The following CASZ1 variants were observed in gnomAD, a reference collection of about 807,000 sequenced individuals.
CASZ1 encodes the protein castor zinc finger 1.
Under a neutral mutation model 135.2 loss-of-function variants are expected in CASZ1, and 28 were observed. The observed-to-expected ratio is 0.21, with a 90% CI of 0.15 to 0.28. The LOEUF (loss-of-function observed/expected upper bound fraction) is 0.28. CASZ1 is among the 10% of genes least tolerant of loss of function. CASZ1 has a pLI of 1.00. For missense variants in CASZ1, 2,161 were observed against 2,453.3 expected, an observed-to-expected ratio of 0.88 and a Z score of 2.52; for synonymous variants, 1,068 against 1,073.4, an observed-to-expected ratio of 0.99 and a Z score of 0.10.
chr1:10,661,194 C>A, intron 5 of CASZ1: 1 of 153,658 alleles, frequency 6.5e-6, no homozygotes, highest in Non-Finnish European at 1.4e-5. Context: ...TGCCCCTGGC[C>A]TGTGACATAG....
intron 4 of CASZ1, among the ~76,000 whole-genome samples, chr1:10,685,086 CTATTACAT>C (rs1638543265): frequency 1.3e-5 from 2 of 152,256 alleles, no homozygotes; most frequent in African/African-American, 2.4e-5. Flanking sequence ...CATTAATTTA[CTATTACAT>C]TGGAAATTAC....
intron 2 of CASZ1, among the ~76,000 whole-genome samples, chr1:10,713,448 C>T (rs1270920382): frequency 6.6e-6 from 1 of 152,170 alleles, no homozygotes. Flanking sequence ...ATATTTACTA[C>T]AATTTAAGAG....
chr1:10,666,235 TCTC>T lies in CASZ1; in HGVS notation c.17-667_17-665del, dbSNP rs1643229962. Among the ~76,000 whole-genome samples the T allele has an allele frequency of 6.6e-6, 1 of 152,032 alleles. No homozygotes were observed. Among genetic ancestry groups the T allele is most frequent in the Admixed American group, 6.5e-5 (1 of 15,280 alleles). ...AACCCTGCTCAGCAGAGAGCAGAGATCTCCTTTTCTCCCAGCCACTCAGGACCC... is the reference window on the plus strand; with the variant it reads ...AACCCTGCTCAGCAGAGAGCAGAGATCTTTTCTCCCAGCCACTCAGGACCC... On this transcript the variant is annotated intron_variant, in intron 4 of 20. Transcript: ENST00000377022. This position sits in a 1 kb window ranked among gnomAD's most constrained non-coding sequence, Gnocchi z 5.2.
chr1:10,787,575 G>A (rs1265175693), intron 1 of CASZ1, among the ~76,000 whole-genome samples: 1 of 152,176 alleles, frequency 6.6e-6, no homozygotes, highest in East Asian at 1.9e-4. Context: ...CCAGCAATTA[G>A]TGCTGGGGAA....
chr1:10,675,145 G>T (rs913963704), intron 4 of CASZ1, among the ~76,000 whole-genome samples: 1 of 152,212 alleles, frequency 6.6e-6, no homozygotes, highest in Non-Finnish European at 1.5e-5. Context: ...CTCACGGCAG[G>T]TCCCCCCTCC....
chr1:10,757,997 C>T lies in CASZ1; in HGVS notation c.-77+2704G>A, dbSNP rs1185398468. ...AGTCACTGGATGCACTGAGGGCATC[C>T]TACCTTAGGGCCATTAGGCTAGCTG... On this transcript the variant is annotated intron_variant, in intron 2 of 20. Transcript: ENST00000377022. The surrounding 1 kb of genome is among the most constrained non-coding windows in gnomAD (Gnocchi z 4.6). Among the ~76,000 whole-genome samples the T allele has an allele frequency of 6.6e-6, 1 of 152,096 alleles. No homozygotes were observed. The highest frequency in any genetic ancestry group is 1.5e-5 in the Non-Finnish European group (1 of 67,964).
In CASZ1 at chr1:10,706,202, C is replaced by T. The variant is rs552893200; in HGVS notation, c.-76-658G>A. On this transcript the variant is annotated intron_variant, in intron 2 of 20. Transcript: ENST00000377022. The surrounding 1 kb of genome is among the most constrained non-coding windows in gnomAD (Gnocchi z 4.3). ...AGGGAGAGGGACGATGGTCAGACAACGTGGAGGCTTTAACCAACACGCGGC... is the reference window on the plus strand; with the variant it reads ...AGGGAGAGGGACGATGGTCAGACAATGTGGAGGCTTTAACCAACACGCGGC... 3.9e-5 allele frequency among the ~76,000 whole-genome samples: 6 copies of T among 152,290 alleles called. No individual in the cohort carries two copies. The South Asian group carries it at 8.3e-4, about 21-fold the overall frequency.
Position 10,794,976 on chromosome 1 carries a change from C to G in CASZ1, c.-234+1588G>C, listed in dbSNP as rs1329620004. On this transcript the variant is annotated intron_variant, in intron 1 of 20. Transcript: ENST00000377022. The surrounding 1 kb of genome is among the most constrained non-coding windows in gnomAD (Gnocchi z 5.6). ...CCCCGGCGGCCGCCCCCTCCCCTTC[C>G]AGACCCGGCTGCCCGGCCCGCCAGC... Among the ~76,000 whole-genome samples, 1 of 151,854 alleles carries G rather than the reference C, an allele frequency of 6.6e-6. No individual in the cohort carries two copies. Among genetic ancestry groups the G allele is most frequent in the Non-Finnish European group, 1.5e-5 (1 of 67,888 alleles).
chr1:10,697,465 A>T lies in CASZ1; in HGVS notation c.-23-3553T>A, dbSNP rs1413929054. Among the ~76,000 whole-genome samples the T allele has an allele frequency of 2.0e-5, 3 of 151,996 alleles. No homozygotes were observed. Among genetic ancestry groups the T allele is most frequent in the African/African-American group, 7.3e-5 (3 of 41,370 alleles). ...AGAGCCTCTAGCTCCTCCTGAGACA[A>T]CCCACTCACAAGAGAAAAAGAAGTG... is the stretch of plus-strand genomic sequence containing the variant. On this transcript the variant is annotated intron_variant, in intron 3 of 20. Transcript: ENST00000377022. The surrounding 1 kb of genome is among the most constrained non-coding windows in gnomAD (Gnocchi z 4.7).
chr1:10,641,380 G>C (rs1642194954), intron 20 of CASZ1, among the ~76,000 whole-genome samples: 1 of 152,228 alleles, frequency 6.6e-6, no homozygotes, highest in South Asian at 2.1e-4. Flanking sequence ...TACTCAGGCA[G>C]CACGTGAGGC....
At chr1:10,793,688 G>T (rs1641002892) in intron 1 of CASZ1, among the ~76,000 whole-genome samples, 1 of 120,346 alleles carries the variant, frequency 8.3e-6, no homozygotes, top group Admixed American at 1.0e-4. Flanking sequence ...CTCCTTAACC[G>T]CCTCTAAGGT....
Position 10,763,089 on chromosome 1 carries a change from G to C in CASZ1, c.-233-2232C>G, listed in dbSNP as rs1421646160. Among the ~76,000 whole-genome samples the C allele has an allele frequency of 2.0e-5, 3 of 152,314 alleles. No homozygotes were observed. The South Asian group carries it at 6.2e-4, about 32-fold the overall frequency. On this transcript the variant is annotated intron_variant, in intron 1 of 20. Transcript: ENST00000377022. ...CAGGGCGTGGCCTTGCTCCAGGATT[G>C]TCCCCAACCAAGTGGCCTGACCCAC...
chr1:10,770,409 T>G (rs528351840), intron 1 of CASZ1, among the ~76,000 whole-genome samples: 18 of 152,302 alleles, frequency 1.2e-4, no homozygotes, highest in Admixed American at 3.9e-4. Flanking sequence ...TATACTTTTT[T>G]GTATTTTTCA....
Position 10,757,418 on chromosome 1 carries a change from C to T in CASZ1, c.-77+3283G>A, listed in dbSNP as rs1640278936. On this transcript the variant is annotated intron_variant, in intron 2 of 20. Coordinates refer to ENST00000377022, the MANE Select transcript of CASZ1 (RefSeq NM_001079843.3). The surrounding 1 kb of genome is among the most constrained non-coding windows in gnomAD (Gnocchi z 4.6). ...ACCTCCTCCTCACCCAGCCACCATC[C>T]TCTCACACCATCGGCTGCAGCAGCT... Among the ~76,000 whole-genome samples, 1 of 152,248 alleles carries T rather than the reference C, an allele frequency of 6.6e-6. No individual in the cohort carries two copies. Among genetic ancestry groups the T allele is most frequent in the Non-Finnish European group, 1.5e-5 (1 of 68,046 alleles).
At chr1:10,716,288 T>C (rs866821643) in intron 2 of CASZ1, among the ~76,000 whole-genome samples, 286 of 110,530 alleles carry the variant, frequency 2.6e-3, no homozygotes, top group Middle Eastern at 0.019. Flanking sequence ...CAATCCACAC[T>C]CCACAGCACC....
intron 2 of CASZ1, among the ~76,000 whole-genome samples, chr1:10,730,134 A>G (rs908973177): frequency 6.9e-6 from 1 of 143,948 alleles, no homozygotes; most frequent in Non-Finnish European, 1.5e-5. Flanking sequence ...TTTTTCAGAC[A>G]GGATCTTGCT....
At position 10,750,898 on chromosome 1, in the gene CASZ1, C is replaced by CA. The variant is rs966893266; in HGVS notation, c.-77+9802dup. On this transcript the variant is annotated intron_variant, in intron 2 of 20. Transcript: ENST00000377022. The stretch of plus-strand genomic sequence containing the variant: ...TGGGTGACAGAGCAAGACTCTGTCT[C>CA]AAAAAATATATATATATAAATATAA... Among the ~76,000 whole-genome samples, 671 of 149,598 alleles carry CA rather than the reference C, an allele frequency of 4.5e-3. 5 individuals are homozygous for CA. Among genetic ancestry groups the CA allele is most frequent in the African/African-American group, 0.016 (649 of 40,358 alleles).
Position 10,695,580 on chromosome 1 carries a change from ACCCCCCCCCCC to A in CASZ1, c.-23-1679_-23-1669del, listed in dbSNP as rs61026086. Among the ~76,000 whole-genome samples, 4 of 16,750 alleles carry A rather than the reference ACCCCCCCCCCC, an allele frequency of 2.4e-4. 1 individual carries two copies. The highest frequency in any genetic ancestry group is 8.1e-4 in the African/African-American group (4 of 4,934). 11.0% of individuals were successfully genotyped at this position (16,750 alleles called of 152,430 possible). On this transcript the variant is annotated intron_variant, in intron 3 of 20. Coordinates refer to ENST00000377022, the MANE Select transcript of CASZ1 (RefSeq NM_001079843.3). ...CCCGGCTCCTCCTCCCCTCCCCGCC[ACCCCCCCCCCC>A]CCCGCCCCACGCCGTCTCCAGGCCT...
At position 10,740,719 on chromosome 1, in the gene CASZ1, C is replaced by A. The variant is rs544358298; in HGVS notation, c.-77+19982G>T. ...ATCCCCGCACTTTGGGATGCCAAGG[C>A]GGGTGGATTGCTTGAGGCCAGGAGT... On this transcript the variant is annotated intron_variant, in intron 2 of 20. Coordinates refer to ENST00000377022, the MANE Select transcript of CASZ1 (RefSeq NM_001079843.3). Among the ~76,000 whole-genome samples the A allele has an allele frequency of 1.4e-4, 21 of 152,280 alleles. No homozygotes were observed. The South Asian group carries it at 3.7e-3, about 27-fold the overall frequency.
Sources: allele counts gnomAD v4.1 joint callset (sites outside exome capture counted in the v4.1 genomes callset), GRCh38; gene constraint gnomAD v4.1.1; non-coding constraint Gnocchi (gnomAD v3.1); transcripts MANE v1.5; gene names NCBI Gene and HGNC (gene_info 2026-07-23, HGNC 2026-07-21).